Variants in FMNL2 observed in about 807,000 individuals in gnomAD.
FMNL2 encodes the protein formin-like protein 2.
A neutral mutation model predicts 130.2 loss-of-function variants in FMNL2; 51 were observed. The ratio of observed to expected loss-of-function variants is 0.39; its 90% CI spans 0.31 to 0.49. The LOEUF (loss-of-function observed/expected upper bound fraction) is 0.49, where lower values mean the gene tolerates loss of function less well. Among genes scored for constraint, FMNL2 ranks in the 20% least tolerant of loss-of-function variants. FMNL2 has a pLI of 0.85. For missense variants in FMNL2, 977 were observed against 1,316.2 expected (o/e 0.74, Z 3.99); for synonymous variants, 465 against 467.1 (o/e 1.00, Z 0.06).
In FMNL2 at chr2:152,574,451, A is replaced by AG. The variant is rs57934813; in HGVS notation, c.597-685_597-684insG. Among the ~76,000 whole-genome samples, 771 of 148,780 alleles carry AG rather than the reference A, an allele frequency of 5.2e-3. 3 individuals carry two copies. Among genetic ancestry groups the AG allele is most frequent in the African/African-American group, 0.015 (607 of 40,520 alleles). ...CTCTGTCTCAAAAAAAAAAAAAAAA[A>AG]AAAGAAAAGAAACAGATGTGTAAGG... On this transcript the variant is annotated intron_variant, in intron 6 of 25. Coordinates refer to ENST00000288670, the MANE Select transcript of FMNL2 (RefSeq NM_052905.4).
intron 1 of FMNL2, among the ~76,000 whole-genome samples, chr2:152,341,327 C>G (rs779347454): frequency 6.6e-6 from 1 of 152,108 alleles, no homozygotes; most frequent in African/African-American, 2.4e-5. Context: ...CCTAATAATA[C>G]CAGTAAAAAC....
chr2:152,496,415 A>C (rs1172016271), intron 1 of FMNL2, among the ~76,000 whole-genome samples: 8 of 152,192 alleles, frequency 5.3e-5, no homozygotes, highest in African/African-American at 1.9e-4. Flanking sequence ...TTACTTTGCT[A>C]ACTTGATCAC....
intron 1 of FMNL2, among the ~76,000 whole-genome samples, chr2:152,343,317 A>T (rs1375534176): frequency 6.6e-6 from 1 of 152,064 alleles, no homozygotes; most frequent in Non-Finnish European, 1.5e-5. Context: ...TTGTTTTGAG[A>T]TGGATTCTCC....
intron 1 of FMNL2, among the ~76,000 whole-genome samples, chr2:152,444,085 G>A (rs1156538679): frequency 2.0e-5 from 3 of 152,170 alleles, no homozygotes; most frequent in African/African-American, 7.2e-5. Context: ...CCAGCAATGG[G>A]TTAGGAGGGT....
chr2:152,373,923 G>A (rs950858263), intron 1 of FMNL2, among the ~76,000 whole-genome samples: 1 of 151,378 alleles, frequency 6.6e-6, no homozygotes, highest in Admixed American at 6.6e-5. Context: ...AAGGTTTTTT[G>A]GCTTTGAGAA....
At chr2:152,614,692 GA>G (rs1196637069) in intron 11 of FMNL2, among the ~76,000 whole-genome samples, 158 bp from the exon 12 acceptor site, 1 of 151,760 alleles carries the variant, frequency 6.6e-6, no homozygotes, top group Non-Finnish European at 1.5e-5. Flanking sequence ...GCAGTGAGCT[GA>G]AATCATACCA....
intron 1 of FMNL2, among the ~76,000 whole-genome samples, chr2:152,400,239 C>G (rs536517324): frequency 6.6e-6 from 1 of 152,238 alleles, no homozygotes; most frequent in African/African-American, 2.4e-5. Context: ...TAAGACTAGC[C>G]TGGCCAACAT....
intron 25 of FMNL2, among the ~76,000 whole-genome samples, chr2:152,642,090 A>G (rs1030385928): frequency 8.6e-5 from 13 of 151,852 alleles, no homozygotes; most frequent in South Asian, 2.1e-4. Flanking sequence ...ACAGGCGCCC[A>G]CCACCACGCC....
intron 1 of FMNL2, among the ~76,000 whole-genome samples, chr2:152,369,213 C>T (rs955307226): frequency 7.9e-5 from 12 of 152,218 alleles, no homozygotes; most frequent in African/African-American, 2.9e-4. Context: ...TCAGCATTCG[C>T]TGTATCATCT....
At position 152,636,479 on chromosome 2, in the gene FMNL2, C is replaced by T; in HGVS notation, c.2733C>T (p.Asp911=). The T allele has an allele frequency of 6.2e-7, 1 of 1,611,864 alleles. No homozygotes were observed. Among genetic ancestry groups the T allele is most frequent in the South Asian group, 1.1e-5 (1 of 90,478 alleles). Residue 911 remains aspartate, a synonymous_variant, in exon 22 of 26, where the codon GAC becomes GAT. Coordinates refer to ENST00000288670, the MANE Select transcript of FMNL2 (RefSeq NM_052905.4). ...TCAAGGAGCTCCAGAGGGGAATGGA[C>T]TTGACCAAGAGAGAGTACACCATGC... ...LDVKELQRGM[D]LTKREYTMHD...
chr2:152,539,153 TA>T (rs1479064932), intron 2 of FMNL2: 4 of 152,180 alleles, frequency 2.6e-5, no homozygotes, highest in African/African-American at 9.7e-5. Context: ...TTGCACTGTG[TA>T]GAAATGTTAT....
At chr2:152,499,227 T>C (rs1194265266) in intron 1 of FMNL2, among the ~76,000 whole-genome samples, 1 of 152,156 alleles carries the variant, frequency 6.6e-6, no homozygotes, top group East Asian at 1.9e-4. Context: ...TTTAAGCTCA[T>C]CCAACTTCAC....
intron 9 of FMNL2, among the ~76,000 whole-genome samples, chr2:152,590,008 T>C (rs77708718): frequency 0.34 from 27,681 of 81,768 alleles, 6,235 homozygotes; most frequent in East Asian, 0.65. Context: ...TATATATATA[T>C]ACATATACAT....
intron 15 of FMNL2, among the ~76,000 whole-genome samples, chr2:152,623,101 T>C (rs1234429117): frequency 6.6e-6 from 1 of 152,182 alleles, no homozygotes. Context: ...ATCTCAGGCT[T>C]ATTCCTGACC....
rs758057625 is a variant in FMNL2, at chr2:152,629,698, T to C, written c.2443T>C (p.Ser815Pro). ...AGCAGCATCTGTCTCTATAAAGTCG[T>C]CCCAAAAACTCAAGAAAATTCTGGA... Reference protein sequence around the residue: ...IIAASVSIKSSQKLKKILEII... With the variant: ...IIAASVSIKSPQKLKKILEII... The change falls in exon 19 of 26, where the codon TCC becomes CCC. Residue 815 changes from serine (S) to proline (P), a missense_variant. Transcript: ENST00000288670. The C allele has an allele frequency of 6.2e-7, 1 of 1,603,510 alleles. No homozygotes were observed. Among genetic ancestry groups the C allele is most frequent in the South Asian group, 1.1e-5 (1 of 89,220 alleles).
intron 15 of FMNL2, among the ~76,000 whole-genome samples, chr2:152,621,770 G>C (rs941172704): frequency 6.6e-6 from 1 of 152,160 alleles, no homozygotes; most frequent in African/African-American, 2.4e-5. Flanking sequence ...TGTTTTGCTA[G>C]TGTGTTGAGT....
chr2:152,645,541 T>C, intron 25 of FMNL2: 1 of 1,275,346 alleles, frequency 7.8e-7, no homozygotes, highest in African/African-American at 1.5e-5. Flanking sequence ...AGCATCACTT[T>C]TTACTTAGCT....
At chr2:152,592,319 A>G (rs994138474) in intron 9 of FMNL2, among the ~76,000 whole-genome samples, 1 of 152,180 alleles carries the variant, frequency 6.6e-6, no homozygotes, top group Non-Finnish European at 1.5e-5. Flanking sequence ...GTTATTGACA[A>G]TGAATGTGTG....
At chr2:152,489,340 T>C (rs1691013160) in intron 1 of FMNL2, among the ~76,000 whole-genome samples, 1 of 152,248 alleles carries the variant, frequency 6.6e-6, no homozygotes, top group South Asian at 2.1e-4. Flanking sequence ...CAAGCTTGGC[T>C]GCCTTTCTCT....
Sources: allele counts gnomAD v4.1 joint callset (sites outside exome capture counted in the v4.1 genomes callset), GRCh38; gene constraint gnomAD v4.1.1; transcripts MANE v1.5; gene names NCBI Gene and HGNC (gene_info 2026-07-23, HGNC 2026-07-21).